Variants in FER1L5 observed in about 807,000 individuals in gnomAD.
FER1L5 encodes fer-1-like protein 5.
In FER1L5, 187 loss-of-function variants were observed where a neutral mutation model predicts 279.9. That is an observed-to-expected ratio of 0.67 (90% CI 0.59 to 0.75). FER1L5 has a LOEUF of 0.75. Ranked by LOEUF, FER1L5 falls within the 30% of genes least tolerant of loss-of-function variation. FER1L5 has a pLI of 0.00. For missense variants in FER1L5, 2,091 were observed against 2,594.4 expected (o/e 0.81, Z 4.21); for synonymous variants, 921 against 989.7 (o/e 0.93, Z 1.30).
rs1558853389 is a variant in FER1L5 at position 96,659,350 on chromosome 2, C to CTTTCTTTCT, written c.748-989_748-988insTCTTTCTTT. ...CCTTCCTTCCTTCCTTCCTTCCTTCCTTCCTTCCTTCCTTCTTTCTTTCTT... is the reference window on the plus strand; with the variant it reads ...CCTTCCTTCCTTCCTTCCTTCCTTCCTTTCTTTCTTTCCTTCCTTCCTTCTTTCTTTCTT... On this transcript the variant is annotated intron_variant, in intron 9 of 52. Transcript: ENST00000624922. Among the ~76,000 whole-genome samples the CTTTCTTTCT allele has an allele frequency of 1.5e-4, 11 of 74,966 alleles. 1 individual carries two copies. Among genetic ancestry groups the CTTTCTTTCT allele is most frequent in the East Asian group, 4.8e-4 (1 of 2,080 alleles). The allele number at this position is 74,966 out of a possible 152,430, so 49.2% of individuals were successfully genotyped here.
chr2:96,682,871 G>A (rs2076781271), intron 19 of FER1L5, among the ~76,000 whole-genome samples: 1 of 152,190 alleles, frequency 6.6e-6, no homozygotes, highest in Non-Finnish European at 1.5e-5. Flanking sequence ...GCTAATTAGA[G>A]ACAGGGTCTC....
At chr2:96,693,196 A>AG (rs1246811998) in intron 31 of FER1L5, among the ~76,000 whole-genome samples, 1 of 151,828 alleles carries the variant, frequency 6.6e-6, no homozygotes, top group Non-Finnish European at 1.5e-5. Flanking sequence ...AGAAAAAAAA[A>AG]AAAGGGCAGT....
Position 96,699,878 on chromosome 2 carries a change from C to A in FER1L5, c.4782-54C>A, listed in dbSNP as rs1573971528. On this transcript the variant is annotated intron_variant, in intron 43 of 52. Transcript: ENST00000624922. Reference sequence around the variant, plus strand: ...CCCGTGGTCAACCTGCAGCTCACAGCAGTGTTCTTCAGGACCCAAACCTCC... The same window carrying A: ...CCCGTGGTCAACCTGCAGCTCACAGAAGTGTTCTTCAGGACCCAAACCTCC... 3 of 1,603,794 alleles carry A rather than the reference C, an allele frequency of 1.9e-6. No homozygotes were observed. The East Asian group carries it at 6.7e-5, about 36-fold the overall frequency.
At chr2:96,684,497 T>A in intron 20 of FER1L5, 46 bp downstream of exon 20, 1 of 1,534,474 alleles carries the variant, frequency 6.5e-7, no homozygotes, top group Non-Finnish European at 8.8e-7. Flanking sequence ...TGTTTCAGAG[T>A]GTGGCTGGGA....
rs2075307872 is a variant in FER1L5 at position 96,650,282 on chromosome 2, A to G, written c.497A>G (p.His166Arg). 1 of 1,551,420 alleles carries G rather than the reference A, an allele frequency of 6.4e-7. No individual in the cohort carries two copies. Among genetic ancestry groups the G allele is most frequent in the Non-Finnish European group, 8.7e-7 (1 of 1,146,758 alleles). ...AGGGCTCTGTCCTCAAAGCCTCAGCACTTTCAGGTGAGGACCTTCCAGGTT... is the reference window on the plus strand; with the variant it reads ...AGGGCTCTGTCCTCAAAGCCTCAGCGCTTTCAGGTGAGGACCTTCCAGGTT... ...AHRALSSKPQ[H>R]FQVRVKVFEA... The change falls in exon 6 of 53, where the codon CAC (histidine) becomes CGC (arginine). Residue 166 changes from histidine to arginine, a missense_variant. Coordinates refer to ENST00000624922, the MANE Select transcript of FER1L5 (RefSeq NM_001293083.2).
At position 96,659,092 on chromosome 2, in the gene FER1L5, C is replaced by T. The variant is rs549087338; in HGVS notation, c.748-1249C>T. Among the ~76,000 whole-genome samples the T allele has an allele frequency of 1.3e-3, 201 of 152,016 alleles. 3 individuals are homozygous for T. The highest frequency in any genetic ancestry group is 2.3e-3 in the Non-Finnish European group (157 of 67,962). ...TCCTACAGGCGCCCACCACCACACC[C>T]GGCTAATATTTTTTGTATTTTCAGT... On this transcript the variant is annotated intron_variant, in intron 9 of 52. Transcript: ENST00000624922.
At chr2:96,650,545 C>T (rs2075317890) in intron 6 of FER1L5, among the ~76,000 whole-genome samples, 1 of 152,190 alleles carries the variant, frequency 6.6e-6, no homozygotes, top group African/African-American at 2.4e-5. Flanking sequence ...CTGGTACCTG[C>T]TGGGGAAGCA....
chr2:96,704,393 G>A, intron 52 of FER1L5, 31 bp downstream of exon 52: 1 of 1,613,086 alleles, frequency 6.2e-7, no homozygotes, highest in Non-Finnish European at 8.5e-7. Context: ...CAAGGACAAA[G>A]GTGGTCTCGG....
chr2:96,659,458 T>TTTCTTTCTTTCTTTCTTTC (rs2075837963), intron 9 of FER1L5, among the ~76,000 whole-genome samples: 1 of 27,060 alleles, frequency 3.7e-5, no homozygotes, highest in Non-Finnish European at 5.8e-5. Context: ...TCTTTCTTTC[T>TTTCTTTCTTTCTTTCTTTC]TTCTTTCTTT....
rs915214635 is a variant in FER1L5 at position 96,685,399 on chromosome 2, A to G, written c.1865A>G (p.Lys622Arg). The change falls in exon 21 of 53, where the codon AAA becomes AGA. Residue 622 changes from lysine to arginine, a missense_variant. Physicochemically the swap from Lys to Arg is conservative, Grantham distance 26. Coordinates refer to ENST00000624922, the MANE Select transcript of FER1L5 (RefSeq NM_001293083.2). ...KDPALLYQWE[K>R]LLRELAEDCK... ...CCAGCTCTCCTCTACCAGTGGGAGA[A>G]ACTGCTGAGGGAGCTGGCAGAGGAC... The G allele has an allele frequency of 5.5e-5, 86 of 1,551,084 alleles. No individual in the cohort carries two copies. Among genetic ancestry groups the G allele is most frequent in the Non-Finnish European group, 6.7e-5 (77 of 1,146,848 alleles).
chr2:96,674,727 C>A (rs2076449676), intron 19 of FER1L5, among the ~76,000 whole-genome samples: 1 of 152,058 alleles, frequency 6.6e-6, no homozygotes, highest in Admixed American at 6.6e-5. Context: ...GGGAGGATCA[C>A]CTGAGCCTGG....
At position 96,698,780 on chromosome 2, in the gene FER1L5, G is replaced by A. The variant is rs1359168014; in HGVS notation, c.4466G>A (p.Arg1489Gln). 1.5e-5 allele frequency: 23 copies of A among 1,566,582 alleles called. No individual in the cohort carries two copies. In the East Asian group the frequency reaches 2.2e-4, roughly 15 times the overall value. ...GACTTCCCCCAGCCGTGCTTGGTGC[G>A]GGTGTACATGGTACGAGCCATCAAC... is the stretch of plus-strand genomic sequence containing the variant. ...REDFPQPCLV[R>Q]VYMVRAINLQ... Residue 1489 changes from arginine to glutamine, a missense_variant, in exon 41 of 53, where the codon CGG becomes CAG. Coordinates refer to ENST00000624922, the MANE Select transcript of FER1L5 (RefSeq NM_001293083.2). The surrounding 1 kb of genome is among the most constrained non-coding windows in gnomAD (Gnocchi z 5.5).
In FER1L5 at chr2:96,645,910, A is replaced by G. The variant is rs569589626; in HGVS notation, c.86-491A>G. Among the ~76,000 whole-genome samples the G allele has an allele frequency of 2.6e-5, 4 of 152,308 alleles. No homozygotes were observed. The East Asian group carries it at 7.7e-4, about 29-fold the overall frequency. The stretch of plus-strand genomic sequence containing the variant: ...AATCAAGAAATGTTGAACCCACACA[A>G]GAAAAAAAGAAGTGATGCCATATCA... On this transcript the variant is annotated intron_variant, in intron 1 of 52. Coordinates refer to ENST00000624922, the MANE Select transcript of FER1L5 (RefSeq NM_001293083.2).
chr2:96,695,278 C>T lies in FER1L5; in HGVS notation c.3742-231C>T, dbSNP rs192507129. The T allele has an allele frequency of 4.8e-5, 26 of 543,610 alleles. No homozygotes were observed. In the African/African-American group the frequency reaches 4.9e-4, roughly 10 times the overall value. The allele number at this position is 543,610 out of a possible 1,614,324, so 33.7% of individuals were successfully genotyped here. On this transcript the variant is annotated intron_variant, in intron 34 of 52. Transcript: ENST00000624922. ...CAGCCAGTGGCCAGAGGTCACCTCC[C>T]TCATGGGTTGGGGGACAGCGTCCCA...
chr2:96,643,731 ATT>A (rs575542946), intron 1 of FER1L5, among the ~76,000 whole-genome samples: 31 of 136,826 alleles, frequency 2.3e-4, no homozygotes, highest in Admixed American at 3.7e-4. Flanking sequence ...TATTATCTCC[ATT>A]TTTTTTTTTT....
chr2:96,657,661 A>G (rs2075652725), intron 9 of FER1L5, among the ~76,000 whole-genome samples: 1 of 152,250 alleles, frequency 6.6e-6, no homozygotes, highest in Admixed American at 6.5e-5. Flanking sequence ...GTTCTTATTA[A>G]TAGATAAGTA....
rs1386434654 is a variant in FER1L5 at position 96,700,247 on chromosome 2, T to C, written c.4931-85T>C. On this transcript the variant is annotated intron_variant, in intron 44 of 52. Transcript: ENST00000624922. ...CTTTCCCCTTCACTCCTACCCAGGC[T>C]GCGGTCGGGAGGGTAAGAGCCTACC... The C allele has an allele frequency of 4.4e-6, 7 of 1,588,250 alleles. No homozygotes were observed. In the East Asian group the frequency reaches 1.3e-4, roughly 31 times the overall value.
rs1323580591 is a variant in FER1L5, at chr2:96,698,927, A to G, written c.4518+95A>G. ...CCGACTGCTGACACACAGAATGCCA[A>G]CTCCCCATAGGCTCCGTGTGGTGCG... On this transcript the variant is annotated intron_variant, in intron 41 of 52. Transcript: ENST00000624922. This position sits in a 1 kb window ranked among gnomAD's most constrained non-coding sequence, Gnocchi z 5.5. 2 of 1,528,388 alleles carry G rather than the reference A, an allele frequency of 1.3e-6. No homozygotes were observed. Among genetic ancestry groups the G allele is most frequent in the Non-Finnish European group, 1.8e-6 (2 of 1,128,446 alleles). The allele number at this position is 1,528,388 out of a possible 1,614,324, so 94.7% of individuals were successfully genotyped here.
Position 96,691,603 on chromosome 2 carries a change from G to C in FER1L5, c.3066G>C (p.Glu1022Asp). The change falls in exon 29 of 53, where the codon GAG becomes GAC. Residue 1022 changes from glutamate (E) to aspartate (D), a missense_variant. By Grantham distance (45) the Glu-to-Asp change is conservative (BLOSUM62 2). Coordinates refer to ENST00000624922, the MANE Select transcript of FER1L5 (RefSeq NM_001293083.2). This position sits in a 1 kb window ranked among gnomAD's most constrained non-coding sequence, Gnocchi z 6.0. ...DKGIAPIFLL[E>D]GSLAMDLKYH... ...GCATCGCGCCCATATTCCTCCTGGA[G>C]GGGTCCTTGGTAAAGCCTCACAGGC... 2 of 1,527,130 alleles carry C rather than the reference G, an allele frequency of 1.3e-6. No homozygotes were observed. 94.6% of individuals were successfully genotyped at this position (1,527,130 alleles called of 1,614,324 possible). A position where few individuals can be genotyped will look rare whatever the true frequency, so the allele number is the denominator to read the frequency against.
Sources: gnomAD v4.1 joint callset for allele counts (sites outside exome capture counted in the v4.1 genomes callset) on GRCh38, gnomAD v4.1.1 for gene constraint, Gnocchi (gnomAD v3.1) non-coding constraint, MANE v1.5 for transcripts, NCBI Gene and HGNC (gene_info 2026-07-23, HGNC 2026-07-21) for gene names.